Variants in FRMD6 observed in about 807,000 individuals in gnomAD.
The protein encoded by FRMD6 is FERM domain-containing protein 6.
In FRMD6, 37 loss-of-function variants were observed where a neutral mutation model predicts 73.2. That is an observed-to-expected ratio of 0.51 (90% CI 0.39 to 0.66). The LOEUF is 0.66. Among genes scored for constraint, FRMD6 ranks in the 30% least tolerant of loss-of-function variants. The probability of loss-of-function intolerance (pLI) is 0.00; values close to 1 mark genes in which losing one functional copy is unlikely to be tolerated. For synonymous variants in FRMD6, 273 were observed against 282.2 expected (o/e 0.97, Z 0.33); for missense variants, 714 against 780.5 (o/e 0.91, Z 1.02).
chr14:51,611,109 C>G (rs1487829392), intron 2 of FRMD6, among the ~76,000 whole-genome samples: 1 of 152,116 alleles, frequency 6.6e-6, no homozygotes, highest in Non-Finnish European at 1.5e-5. Context: ...TTTGTGGTCT[C>G]TGAGCAGGAT....
chr14:51,635,662 T>A (rs1235609842), intron 2 of FRMD6, among the ~76,000 whole-genome samples: 1 of 152,224 alleles, frequency 6.6e-6, no homozygotes, highest in Non-Finnish European at 1.5e-5. Flanking sequence ...GAAATCTAGC[T>A]TTAGAACTCA....
At chr14:51,479,406 G>T in the FRMD6 span, among the ~76,000 whole-genome samples, 1 of 152,140 alleles carries the variant, frequency 6.6e-6, no homozygotes, top group Non-Finnish European at 1.5e-5. Flanking sequence ...CACTTATACT[G>T]CACCCAGCAC....
the FRMD6 span, among the ~76,000 whole-genome samples, chr14:51,432,255 C>T: frequency 2.0e-5 from 3 of 152,168 alleles, no homozygotes; most frequent in Non-Finnish European, 4.4e-5. Context: ...AATCCAGCTT[C>T]ATTCTGGTCT....
chr14:51,525,070 A>AATAGATAGATAGATAG (rs75865493), intron 1 of FRMD6, among the ~76,000 whole-genome samples: 2 of 101,982 alleles, frequency 2.0e-5, no homozygotes, highest in African/African-American at 4.0e-5. Context: ...AGACAAATAG[A>AATAGATAGATAGATAG]ATAGATAGAT....
the FRMD6 span, among the ~76,000 whole-genome samples, chr14:51,431,504 T>G: frequency 5.9e-5 from 9 of 152,240 alleles, no homozygotes; most frequent in Non-Finnish European, 1.2e-4. Flanking sequence ...TTTCATACTC[T>G]GAATGTTCTT....
the FRMD6 span, chr14:51,436,125 T>A: frequency 7.5e-4 from 180 of 238,662 alleles, 6 homozygotes; most frequent in East Asian, 0.021. Context: ...GACATTGACT[T>A]CTGCAGGCTT....
intron 1 of FRMD6, among the ~76,000 whole-genome samples, chr14:51,504,877 G>C (rs972556627): frequency 6.6e-6 from 1 of 152,208 alleles, no homozygotes; most frequent in Non-Finnish European, 1.5e-5. Flanking sequence ...TTAGACAGCA[G>C]CTGCCTGTCC....
intron 2 of FRMD6, among the ~76,000 whole-genome samples, chr14:51,585,153 G>A (rs1162177303): frequency 2.6e-5 from 4 of 152,062 alleles, no homozygotes; most frequent in South Asian, 2.1e-4. Context: ...CACCAGGCAC[G>A]CTGTTCCTGT....
intron 2 of FRMD6, among the ~76,000 whole-genome samples, chr14:51,691,979 A>T (rs1472862359): frequency 6.6e-6 from 1 of 152,194 alleles, no homozygotes; most frequent in Non-Finnish European, 1.5e-5. Flanking sequence ...AAATAACTTC[A>T]TTAAAAAGTT....
intron 2 of FRMD6, among the ~76,000 whole-genome samples, chr14:51,592,414 AT>A (rs1414702701): frequency 5.9e-5 from 9 of 152,216 alleles, no homozygotes; most frequent in Admixed American, 5.2e-4. Context: ...TTTATATGTT[AT>A]CCTTCCCATC....
At chr14:51,428,276 C>T in the FRMD6 span, among the ~76,000 whole-genome samples, 1 of 152,148 alleles carries the variant, frequency 6.6e-6, no homozygotes, top group Non-Finnish European at 1.5e-5. Flanking sequence ...GGCTGCCCCC[C>T]ACCCGACCCA....
chr14:51,714,268 A>T (rs28478855), intron 9 of FRMD6: 43,119 of 151,754 alleles, frequency 0.28, 6,562 homozygotes, highest in African/African-American at 0.38. Context: ...CTATTTCAGT[A>T]TTGGGGTCCA....
upstream of FRMD6, among the ~76,000 whole-genome samples, chr14:51,486,940 T>TG (rs1281082256): frequency 2.6e-5 from 4 of 152,088 alleles, no homozygotes; most frequent in Non-Finnish European, 5.9e-5. Flanking sequence ...AAAACCGTTT[T>TG]TTTTTTTTTG....
At chr14:51,669,181 A>G (rs540391304) in intron 1 of FRMD6, among the ~76,000 whole-genome samples, 3 of 152,190 alleles carry the variant, frequency 2.0e-5, no homozygotes, top group East Asian at 3.9e-4. Flanking sequence ...GTATCTGGCC[A>G]TGTTTCACTT....
rs765557151 is a variant in FRMD6, at chr14:51,727,733, C to T, written c.1585-12C>T. 15 of 1,583,948 alleles carry T rather than the reference C, an allele frequency of 9.5e-6. No individual in the cohort carries two copies. The East Asian group carries it at 3.4e-4, about 36-fold the overall frequency. ...CACTTTAAAGTTGTTTCATCCTTCCCTTATCTTGCAGACTATATGTCGGAA... is the reference window on the plus strand; with the variant it reads ...CACTTTAAAGTTGTTTCATCCTTCCTTTATCTTGCAGACTATATGTCGGAA... On this transcript the variant is annotated splice_polypyrimidine_tract_variant and intron_variant, in intron 13 of 13. Transcript: ENST00000344768.
At chr14:51,694,494 A>G (rs1170865380) in intron 2 of FRMD6, among the ~76,000 whole-genome samples, 1 of 152,162 alleles carries the variant, frequency 6.6e-6, no homozygotes, top group Non-Finnish European at 1.5e-5. Flanking sequence ...GATTGAGACC[A>G]GGCTGGGCAA....
chr14:51,499,765 C>A (rs1017874550), intron 1 of FRMD6, among the ~76,000 whole-genome samples: 2 of 152,320 alleles, frequency 1.3e-5, no homozygotes, highest in African/African-American at 4.8e-5. Flanking sequence ...CTTGGGTGAT[C>A]TGTATAAACT....
At chr14:51,501,918 T>C (rs1199265920) in intron 1 of FRMD6, among the ~76,000 whole-genome samples, 1 of 152,238 alleles carries the variant, frequency 6.6e-6, no homozygotes, top group African/African-American at 2.4e-5. Context: ...ATAGCTGTTC[T>C]GACTGGCATG....
At chr14:51,686,367 G>A (rs1222075310) in intron 1 of FRMD6, among the ~76,000 whole-genome samples, 1 of 152,028 alleles carries the variant, frequency 6.6e-6, no homozygotes, top group Non-Finnish European at 1.5e-5. Context: ...CAGTTTTAAA[G>A]CTTTTTTCCC....
Sources: allele counts gnomAD v4.1 joint callset (sites outside exome capture counted in the v4.1 genomes callset), GRCh38; gene constraint gnomAD v4.1.1; transcripts MANE v1.5; gene names NCBI Gene and HGNC (gene_info 2026-07-23, HGNC 2026-07-21).